The following ITGB8 variants were observed in gnomAD, a reference collection of about 807,000 sequenced individuals.
ITGB8 encodes integrin beta-8.
A neutral mutation model predicts 89.5 loss-of-function variants in ITGB8; 30 were observed. The observed-to-expected ratio is 0.34, with a 90% CI of 0.25 to 0.45. The LOEUF is 0.45. Ranked by LOEUF, ITGB8 falls within the 20% of genes least tolerant of loss-of-function variation. ITGB8 has a pLI of 1.00. For synonymous variants in ITGB8, 335 were observed against 320.4 expected, an observed-to-expected ratio of 1.05 and a Z score of -0.49; for missense variants, 836 against 933.3, an observed-to-expected ratio of 0.90 and a Z score of 1.36.
chr7:20,364,632 G>A (rs1276565337), intron 2 of ITGB8: 4 of 152,188 alleles, frequency 2.6e-5, no homozygotes, highest in Admixed American at 1.3e-4. Flanking sequence ...CTCCACCAGT[G>A]AGAAAACCAG....
chr7:20,402,175 G>A, intron 10 of ITGB8, 49 bp downstream of exon 10: 1 of 1,417,926 alleles, frequency 7.1e-7, no homozygotes, highest in East Asian at 2.3e-5. Context: ...TATTACACCA[G>A]CATAGATGTT....
intron 3 of ITGB8, among the ~76,000 whole-genome samples, chr7:20,378,682 G>A (rs774930585): frequency 6.6e-6 from 1 of 151,978 alleles, no homozygotes; most frequent in Non-Finnish European, 1.5e-5. Context: ...GAGATCGAAT[G>A]CCGCTTGCTG....
intron 2 of ITGB8, chr7:20,366,807 C>T: frequency 2.1e-6 from 1 of 473,572 alleles, no homozygotes; most frequent in African/African-American, 2.1e-5. Context: ...TCAGTCTGAG[C>T]TTTTCCTTCT....
chr7:20,348,973 C>T (rs1381989925), intron 1 of ITGB8, among the ~76,000 whole-genome samples: 1 of 152,110 alleles, frequency 6.6e-6, no homozygotes, highest in Non-Finnish European at 1.5e-5. Context: ...GCAATATGGA[C>T]TATAGTTCAT....
chr7:20,407,778 T>C (rs544261272), intron 12 of ITGB8, among the ~76,000 whole-genome samples: 2 of 152,328 alleles, frequency 1.3e-5, no homozygotes, highest in East Asian at 3.9e-4. Flanking sequence ...TTACAAAAAG[T>C]ATTCTCTTAA....
intron 3 of ITGB8, among the ~76,000 whole-genome samples, chr7:20,372,370 G>GA (rs2127952838): frequency 6.6e-6 from 1 of 152,316 alleles, no homozygotes; most frequent in East Asian, 1.9e-4. Flanking sequence ...TGACACAGGA[G>GA]AAAACTAGGT....
In ITGB8 at chr7:20,401,756, T is replaced by C; in HGVS notation, c.1317T>C (p.Cys439=). 1.3e-6 allele frequency: 2 copies of C among 1,576,972 alleles called. No homozygotes were observed. Among genetic ancestry groups the C allele is most frequent in the Non-Finnish European group, 8.6e-7 (1 of 1,167,126 alleles). ...ATGTAACAGTTACAATGAAAAAATG[T>C]GATGTCACAGGAGGAAAAAACTATG... ...LFNVTVTMKK[C]DVTGGKNYAI... Residue 439 remains cysteine (C), a synonymous_variant, in exon 10 of 14, where the codon TGT becomes TGC. Coordinates refer to ENST00000222573, the MANE Select transcript of ITGB8 (RefSeq NM_002214.3).
Position 20,367,054 on chromosome 7 carries a change from G to A in ITGB8, c.256G>A (p.Val86Ile). The A allele has an allele frequency of 6.2e-7, 1 of 1,612,444 alleles. No individual in the cohort carries two copies. Among genetic ancestry groups the A allele is most frequent in the Admixed American group, 1.7e-5 (1 of 59,720 alleles). Residue 86 changes from valine (V) to isoleucine (I), a missense_variant, in exon 3 of 14, where the codon GTT (valine) becomes ATT (isoleucine). By Grantham distance (29) the Val-to-Ile change is conservative. This residue lies in a region of ITGB8 where 182 missense variants were observed against 177.0 expected (regional missense o/e 1.03). Coordinates refer to ENST00000222573, the MANE Select transcript of ITGB8 (RefSeq NM_002214.3). ...GGSRSERCDI[V>I]SNLISKGCSV... ...ATCAAGAAGTGAACGTTGTGATATT[G>A]TTTCCAATTTAATAAGCAAAGGCTG...
At chr7:20,404,934 G>A in intron 11 of ITGB8, 81 bp downstream of exon 11, 8 of 1,193,612 alleles carry the variant, frequency 6.7e-6, no homozygotes, top group Admixed American at 1.7e-5. Context: ...AATCTTAAAC[G>A]TTGCCAGATA....
chr7:20,381,868 G>A lies in ITGB8; in HGVS notation c.943G>A (p.Val315Ile), dbSNP rs1353670408. The change falls in exon 6 of 14, where the codon GTC becomes ATC. Residue 315 changes from valine (V) to isoleucine (I), a missense_variant. Physicochemically the swap from Val to Ile is conservative, Grantham distance 29 (BLOSUM62 3). Around this residue, in one of 5 missense-constraint regions of ITGB8, gnomAD observed 192 missense variants for 267.1 expected, o/e 0.72. Coordinates refer to ENST00000222573, the MANE Select transcript of ITGB8 (RefSeq NM_002214.3). ...GNCHLKNNVY[V>I]KSTTMEHPSL... The stretch of plus-strand genomic sequence containing the variant: ...CTGTCATCTGAAAAACAACGTCTAT[G>A]TCAAATCGACAACCATGGTAATGCA... 3 of 1,612,076 alleles carry A rather than the reference G, an allele frequency of 1.9e-6. No homozygotes were observed. Among genetic ancestry groups the A allele is most frequent in the Non-Finnish European group, 2.5e-6 (3 of 1,179,440 alleles).
Position 20,401,835 on chromosome 7 carries a change from A to C in ITGB8, c.1396A>C (p.Asn466His). 6.2e-7 allele frequency: 1 copy of C among 1,613,976 alleles called. No homozygotes were observed. Among genetic ancestry groups the C allele is most frequent in the South Asian group, 1.1e-5 (1 of 90,992 alleles). ...NETAKIHIHR[N>H]CSCQCEDNRG... Reference sequence around the variant, plus strand: ...AACCGCTAAAATTCATATACACAGAAACTGCAGCTGTCAGTGTGAGGACAA... The same window carrying C: ...AACCGCTAAAATTCATATACACAGACACTGCAGCTGTCAGTGTGAGGACAA... The change falls in exon 10 of 14, where the codon AAC becomes CAC. Residue 466 changes from asparagine to histidine, a missense_variant. By Grantham distance (68) the Asn-to-His change is moderately conservative. Coordinates refer to ENST00000222573, the MANE Select transcript of ITGB8 (RefSeq NM_002214.3).
chr7:20,350,741 T>G (rs1218488810), intron 1 of ITGB8, among the ~76,000 whole-genome samples: 1 of 152,230 alleles, frequency 6.6e-6, no homozygotes, highest in Non-Finnish European at 1.5e-5. Flanking sequence ...CCTTCTCCCC[T>G]GTTCCAGATT....
intron 3 of ITGB8, among the ~76,000 whole-genome samples, chr7:20,375,333 T>C (rs1208150033): frequency 6.6e-6 from 1 of 151,758 alleles, no homozygotes; most frequent in African/African-American, 2.4e-5. Flanking sequence ...AGACCTAAAA[T>C]TGGTGAGATA....
At chr7:20,369,348 C>A (rs1785835908) in intron 3 of ITGB8, among the ~76,000 whole-genome samples, 2 of 152,110 alleles carry the variant, frequency 1.3e-5, no homozygotes, top group Admixed American at 1.3e-4. Flanking sequence ...ATGGAAAGTC[C>A]AAGATCAAGA....
intron 1 of ITGB8, among the ~76,000 whole-genome samples, chr7:20,358,253 A>G (rs1785368952): frequency 6.6e-6 from 1 of 152,012 alleles, no homozygotes; most frequent in Non-Finnish European, 1.5e-5. Context: ...GTGAGCCACC[A>G]TTCCTGGCCT....
intron 10 of ITGB8, among the ~76,000 whole-genome samples, chr7:20,403,172 A>C (rs1359693553): frequency 6.6e-6 from 1 of 152,210 alleles, no homozygotes; most frequent in Non-Finnish European, 1.5e-5. Flanking sequence ...GAATATCTTA[A>C]TATACAAACA....
At chr7:20,377,879 T>C (rs1270608658) in intron 3 of ITGB8, among the ~76,000 whole-genome samples, 1 of 152,174 alleles carries the variant, frequency 6.6e-6, no homozygotes, top group Non-Finnish European at 1.5e-5. Flanking sequence ...ATTTGTGAAA[T>C]AATCGAAAAG....
In ITGB8 at chr7:20,411,677, A is replaced by T. The variant is rs1163809355; in HGVS notation, c.*1680A>T. ...GATTTACTCATGTCTTAAGTGTATG[A>T]GGAAAGTTCAAAGCAAAATAGAAAG... On this transcript the variant is annotated 3_prime_UTR_variant, in exon 14 of 14. Transcript: ENST00000222573. 6.6e-6 allele frequency: 1 copy of T among 152,660 alleles called. No homozygotes were observed. Among genetic ancestry groups the T allele is most frequent in the Non-Finnish European group, 1.5e-5 (1 of 68,036 alleles). 9.5% of individuals were successfully genotyped at this position (152,660 alleles called of 1,614,324 possible).
chr7:20,337,895 T>G (rs1784628123), intron 1 of ITGB8, among the ~76,000 whole-genome samples: 1 of 152,208 alleles, frequency 6.6e-6, no homozygotes, highest in Non-Finnish European at 1.5e-5. Context: ...TTTTATGGCC[T>G]GCCTTCTGGG....
Sources: gnomAD v4.1 joint callset for allele counts (sites outside exome capture counted in the v4.1 genomes callset) on GRCh38, gnomAD v4.1.1 for gene constraint, gnomAD v4.1.1 regional missense constraint, MANE v1.5 for transcripts, NCBI Gene and HGNC (gene_info 2026-07-23, HGNC 2026-07-21) for gene names.